Variants in SPART observed in about 807,000 individuals in gnomAD.
The protein encoded by SPART is spartin, also known as spastic paraplegia 20 (Troyer syndrome).
In SPART, 35 loss-of-function variants were observed where a neutral mutation model predicts 58.7. The ratio of observed to expected loss-of-function variants is 0.60; its 90% CI spans 0.46 to 0.79. The LOEUF (loss-of-function observed/expected upper bound fraction) is 0.79. SPART is among the 30% of genes least tolerant of loss of function. The probability of loss-of-function intolerance (pLI) is 0.00; values close to 1 mark genes in which losing one functional copy is unlikely to be tolerated. For synonymous variants in SPART, 284 were observed against 280.7 expected (o/e 1.01, Z -0.12); for missense variants, 730 against 786.1 (o/e 0.93, Z 0.85).
intron 1 of SPART, chr13:36,345,503 ATTAT>A (rs1280777216): frequency 2.6e-5 from 4 of 152,252 alleles, no homozygotes; most frequent in African/African-American, 7.2e-5. Flanking sequence ...AATTCGTTAA[ATTAT>A]GATACAATAA....
At chr13:36,353,389 T>G (rs750763452) in intron 1 of SPART, among the ~76,000 whole-genome samples, 1 of 152,172 alleles carries the variant, frequency 6.6e-6, no homozygotes, top group East Asian at 1.9e-4. Flanking sequence ...GAGGTGGGAA[T>G]GGAAGCTCAA....
chr13:36,312,080 CCT>C, intron 8 of SPART, 63 bp downstream of exon 8: 1 of 1,483,450 alleles, frequency 6.7e-7, no homozygotes, highest in East Asian at 2.3e-5. Flanking sequence ...AGAGAAACTC[CCT>C]CTCAGAAAAA....
intron 1 of SPART, among the ~76,000 whole-genome samples, chr13:36,341,015 G>A (rs1009941889): frequency 6.6e-6 from 1 of 152,098 alleles, no homozygotes; most frequent in Non-Finnish European, 1.5e-5. Flanking sequence ...ATGTGCATGC[G>A]ACAAAGGATG....
chr13:36,326,112 T>G (rs1882905542), intron 5 of SPART: 1 of 197,410 alleles, frequency 5.1e-6, no homozygotes, highest in Admixed American at 5.5e-5. Flanking sequence ...ACTAATCCCA[T>G]TGATGAGGGC....
rs969537725 is a variant in SPART at position 36,360,110 on chromosome 13, A to G, written c.-3+9979T>C. ...GGAGATCGAGACCATCCTGGCTAAT[A>G]CAGTGAAACCCCGTCTCTACTAAAA... On this transcript the variant is annotated intron_variant, in intron 1 of 8. Coordinates refer to the SPART transcript ENST00000355182. Among the ~76,000 whole-genome samples the G allele has an allele frequency of 9.2e-5, 14 of 151,474 alleles. 1 individual carries two copies. Among genetic ancestry groups the G allele is most frequent in the Admixed American group, 7.9e-4 (12 of 15,204 alleles).
At chr13:36,318,344 C>A (rs554302688) in intron 5 of SPART, among the ~76,000 whole-genome samples, 25 of 152,228 alleles carry the variant, frequency 1.6e-4, no homozygotes, top group Admixed American at 5.2e-4. Context: ...AATCAGATAG[C>A]GTTTAGGCTC....
chr13:36,318,170 A>C (rs9547248), intron 5 of SPART, among the ~76,000 whole-genome samples: 90,250 of 151,722 alleles, frequency 0.59, 27,985 homozygotes, highest in Non-Finnish European at 0.69. Flanking sequence ...AGCCTCTGCT[A>C]CTCCACCCTA....
rs948327285 is a variant in SPART at position 36,302,223 on chromosome 13, AATAT to A, written c.*2138_*2141del. ...TTGTTATTCATCATACCTTACAAGTAATATATAATTTTATCTATATATCAATCAT... is the reference window on the plus strand; with the variant it reads ...TTGTTATTCATCATACCTTACAAGTAATAATTTTATCTATATATCAATCAT... On this transcript the variant is annotated 3_prime_UTR_variant, in exon 9 of 9. Transcript: ENST00000438666. The A allele has an allele frequency of 6.9e-6, 1 of 144,406 alleles. No individual in the cohort carries two copies. Among genetic ancestry groups the A allele is most frequent in the Non-Finnish European group, 1.5e-5 (1 of 64,618 alleles). The allele number at this position is 144,406 out of a possible 1,614,324, so 8.9% of individuals were successfully genotyped here.
chr13:36,359,386 G>T (rs1283744883), intron 1 of SPART, among the ~76,000 whole-genome samples: 2 of 152,162 alleles, frequency 1.3e-5, no homozygotes, highest in Non-Finnish European at 2.9e-5. Flanking sequence ...TTCCCAAGAG[G>T]TAATATACTT....
chr13:36,342,732 G>A (rs1465654868), intron 1 of SPART, among the ~76,000 whole-genome samples: 2 of 152,034 alleles, frequency 1.3e-5, no homozygotes, highest in African/African-American at 4.8e-5. Flanking sequence ...TGGGGGATGT[G>A]TGCCCCCCAG....
At chr13:36,331,372 C>T (rs895590941) in intron 3 of SPART, 27 bp downstream of exon 3, 1 of 1,603,852 alleles carries the variant, frequency 6.2e-7, no homozygotes, top group East Asian at 2.2e-5. Context: ...AGATTTTTTT[C>T]ACCCTAAAGA....
intron 5 of SPART, among the ~76,000 whole-genome samples, chr13:36,324,700 G>A (rs978838217): frequency 6.6e-6 from 1 of 152,200 alleles, no homozygotes; most frequent in African/African-American, 2.4e-5. Context: ...TGCATGTGAA[G>A]AGACCACCAA....
intron 1 of SPART, among the ~76,000 whole-genome samples, chr13:36,364,520 C>T (rs923172447): frequency 6.6e-6 from 1 of 152,084 alleles, no homozygotes; most frequent in African/African-American, 2.4e-5. Flanking sequence ...GATCAGCTCA[C>T]GTTGTTCTGA....
At chr13:36,344,590 T>C (rs1217725377) in intron 1 of SPART, among the ~76,000 whole-genome samples, 1 of 152,162 alleles carries the variant, frequency 6.6e-6, no homozygotes, top group Non-Finnish European at 1.5e-5. Context: ...AAATATCACA[T>C]TTTTATTTTG....
At chr13:36,320,535 T>C (rs1438781976) in intron 5 of SPART, among the ~76,000 whole-genome samples, 1 of 152,194 alleles carries the variant, frequency 6.6e-6, no homozygotes, top group East Asian at 1.9e-4. Flanking sequence ...CTTTCCATCG[T>C]GGAAATCTAT....
chr13:36,327,387 T>C (rs1012307794), intron 4 of SPART, among the ~76,000 whole-genome samples: 6 of 152,114 alleles, frequency 3.9e-5, no homozygotes, highest in African/African-American at 2.4e-5. Context: ...TCACATAAAA[T>C]ATAAAAACAA....
At chr13:36,349,526 A>G (rs1461257010), upstream of SPART, among the ~76,000 whole-genome samples, 1 of 152,190 alleles carries the variant, frequency 6.6e-6, no homozygotes, top group Admixed American at 6.5e-5. Flanking sequence ...GAACAAGTAA[A>G]GTGAACAGGG....
chr13:36,322,372 T>C (rs554861500), intron 5 of SPART, among the ~76,000 whole-genome samples: 2 of 152,136 alleles, frequency 1.3e-5, no homozygotes, highest in Non-Finnish European at 2.9e-5. Context: ...ACTTAAACCC[T>C]GAAGGCAGAG....
intron 8 of SPART, among the ~76,000 whole-genome samples, chr13:36,307,065 T>C (rs978138582): frequency 6.6e-6 from 1 of 152,212 alleles, no homozygotes; most frequent in Admixed American, 6.5e-5. Flanking sequence ...CATAAATAAC[T>C]GTTTAGTCCT....
Sources: allele counts gnomAD v4.1 joint callset (sites outside exome capture counted in the v4.1 genomes callset), GRCh38; gene constraint gnomAD v4.1.1; transcripts MANE v1.5; gene names NCBI Gene and HGNC (gene_info 2026-07-23, HGNC 2026-07-21).